The following INSYN2B variants were observed in gnomAD, a reference collection of about 807,000 sequenced individuals.
INSYN2B encodes the protein inhibitory synaptic factor family member 2B.
INSYN2B carries 16 observed loss-of-function variants against 41.2 expected under a neutral mutation model. The ratio of observed to expected loss-of-function variants is 0.39; its 90% CI spans 0.26 to 0.59. INSYN2B has a LOEUF of 0.59. INSYN2B is among the 20% of genes least tolerant of loss of function. The pLI, the probability that INSYN2B is intolerant of heterozygous loss-of-function variation, is 0.57. For synonymous variants in INSYN2B, 245 were observed against 244.4 expected, an observed-to-expected ratio of 1.00 and a Z score of -0.02; for missense variants, 608 against 646.4, an observed-to-expected ratio of 0.94 and a Z score of 0.64.
chr5:169,901,753 C>T (rs1160240476), intron 1 of INSYN2B, among the ~76,000 whole-genome samples: 1 of 152,200 alleles, frequency 6.6e-6, no homozygotes, highest in African/African-American at 2.4e-5. Context: ...CATTTTGAGA[C>T]ACCTAGAATG....
At chr5:169,945,689 C>G (rs958720637) in intron 1 of INSYN2B, among the ~76,000 whole-genome samples, 2 of 152,172 alleles carry the variant, frequency 1.3e-5, no homozygotes, top group African/African-American at 4.8e-5. Context: ...AGAACGGAGG[C>G]TGGATGTGCT....
intron 1 of INSYN2B, among the ~76,000 whole-genome samples, chr5:169,958,136 AAC>A (rs1342789495): frequency 6.6e-6 from 1 of 152,202 alleles, no homozygotes; most frequent in African/African-American, 2.4e-5. Flanking sequence ...AGAAGGACAA[AAC>A]ACAGTCTTTG....
chr5:169,908,510 A>G (rs1335119480), intron 1 of INSYN2B, among the ~76,000 whole-genome samples: 1 of 152,136 alleles, frequency 6.6e-6, no homozygotes, highest in African/African-American at 2.4e-5. Context: ...AGAGAAATGA[A>G]CACAAATAGG....
rs1481802907 is a variant in INSYN2B at position 169,897,489 on chromosome 5, A to G, written c.-918-12673T>C. Among the ~76,000 whole-genome samples, 6 of 152,146 alleles carry G rather than the reference A, an allele frequency of 3.9e-5. No homozygotes were observed. In the South Asian group the frequency reaches 1.0e-3, roughly 26 times the overall value. On this transcript the variant is annotated intron_variant, in intron 1 of 3. Transcript: ENST00000377365. The stretch of plus-strand genomic sequence containing the variant: ...CAAGTGTGAGCCACCGTACTCGGCC[A>G]GGAATGTGAGCTCTTTAACCAAGAG...
chr5:169,895,235 AG>A, intron 1 of INSYN2B, among the ~76,000 whole-genome samples: 1 of 152,312 alleles, frequency 6.6e-6, no homozygotes, highest in South Asian at 2.1e-4. Flanking sequence ...GAAGTATAAA[AG>A]CTCAAGTTTA....
At chr5:169,970,916 G>C (rs1273620267) in intron 1 of INSYN2B, among the ~76,000 whole-genome samples, 1 of 151,758 alleles carries the variant, frequency 6.6e-6, no homozygotes, top group African/African-American at 2.4e-5. Context: ...ATGGGAGCTG[G>C]GTGCAGGAAG....
At chr5:169,871,502 A>G (rs964600347) in intron 3 of INSYN2B, among the ~76,000 whole-genome samples, 3 of 152,230 alleles carry the variant, frequency 2.0e-5, no homozygotes, top group Non-Finnish European at 4.4e-5. Flanking sequence ...GGGATAAATA[A>G]TATTACCTTC....
At chr5:169,944,835 C>T (rs942495976) in intron 1 of INSYN2B, among the ~76,000 whole-genome samples, 1 of 152,200 alleles carries the variant, frequency 6.6e-6, no homozygotes, top group African/African-American at 2.4e-5. Flanking sequence ...GAACAGCCTT[C>T]CTCCTCCATC....
chr5:169,905,307 T>TC (rs372097449), intron 1 of INSYN2B, among the ~76,000 whole-genome samples: 1 of 149,764 alleles, frequency 6.7e-6, no homozygotes, highest in Non-Finnish European at 1.5e-5. Flanking sequence ...TTTTTTTTTT[T>TC]CAGGAGAAGC....
intron 1 of INSYN2B, among the ~76,000 whole-genome samples, chr5:169,907,534 G>C (rs73325968): frequency 0.049 from 7,388 of 152,294 alleles, 576 homozygotes; most frequent in African/African-American, 0.16. Context: ...GCGAAGACTA[G>C]TTGCCAGTCA....
At chr5:169,939,383 A>G (rs1776137772) in intron 1 of INSYN2B, among the ~76,000 whole-genome samples, 2 of 152,018 alleles carry the variant, frequency 1.3e-5, no homozygotes, top group Admixed American at 1.3e-4. Flanking sequence ...CTCCTATAAC[A>G]ATGCCTTCTT....
chr5:169,952,033 A>G (rs1004760260), intron 1 of INSYN2B, among the ~76,000 whole-genome samples: 1 of 152,206 alleles, frequency 6.6e-6, no homozygotes, highest in East Asian at 1.9e-4. Flanking sequence ...TATTCTCACA[A>G]CATGTGAAAG....
intron 1 of INSYN2B, among the ~76,000 whole-genome samples, chr5:169,893,564 C>T (rs978824721): frequency 3.3e-5 from 5 of 151,154 alleles, no homozygotes; most frequent in African/African-American, 1.2e-4. Flanking sequence ...GGGGAGCTGC[C>T]TGCTCAAACA....
chr5:169,911,626 C>T (rs1409418741), intron 1 of INSYN2B, among the ~76,000 whole-genome samples: 2 of 152,192 alleles, frequency 1.3e-5, no homozygotes, highest in African/African-American at 4.8e-5. Context: ...AATCAATACT[C>T]ATATTCAATT....
intron 1 of INSYN2B, among the ~76,000 whole-genome samples, chr5:169,894,624 G>A (rs911185174): frequency 6.6e-6 from 1 of 152,178 alleles, no homozygotes; most frequent in African/African-American, 2.4e-5. Context: ...GGCACAAGCA[G>A]TTTGCAAAAG....
chr5:169,960,293 C>A (rs1304983348), intron 1 of INSYN2B, among the ~76,000 whole-genome samples: 3 of 152,162 alleles, frequency 2.0e-5, no homozygotes, highest in Admixed American at 2.0e-4. Flanking sequence ...TTTTTCTTAG[C>A]TGTTAGAGAA....
chr5:169,873,400 C>A (rs533164909), intron 3 of INSYN2B, among the ~76,000 whole-genome samples: 1 of 152,312 alleles, frequency 6.6e-6, no homozygotes, highest in East Asian at 1.9e-4. Flanking sequence ...TGCTCGAGGG[C>A]ATTGCTATGA....
intron 1 of INSYN2B, among the ~76,000 whole-genome samples, chr5:169,910,173 G>A (rs78057168): frequency 0.011 from 1,714 of 152,172 alleles, 15 homozygotes; most frequent in Non-Finnish European, 0.017. Flanking sequence ...GATTAGTACC[G>A]CAGATCCAGA....
intron 1 of INSYN2B, among the ~76,000 whole-genome samples, chr5:169,962,383 C>T (rs1228210557): frequency 1.3e-5 from 2 of 152,128 alleles, no homozygotes; most frequent in Non-Finnish European, 2.9e-5. Flanking sequence ...CAAAGGTTTC[C>T]ATAGAGGCAA....
Sources: gnomAD v4.1 joint callset for allele counts (sites outside exome capture counted in the v4.1 genomes callset) on GRCh38, gnomAD v4.1.1 for gene constraint, MANE v1.5 for transcripts, NCBI Gene and HGNC (gene_info 2026-07-23, HGNC 2026-07-21) for gene names.